CD99L2: variants seen among roughly 807,000 people sequenced by gnomAD.
CD99L2 encodes the protein CD99 molecule like 2, also known as CD99 antigen-like protein 2.
A neutral mutation model predicts 27.3 loss-of-function variants in CD99L2; 24 were observed. That is an observed-to-expected ratio of 0.88 (90% CI 0.64 to 1.24). CD99L2 has a LOEUF of 1.24. Ranked by LOEUF, CD99L2 falls within the 50% of genes most tolerant of loss-of-function variation. The pLI is 0.00. For synonymous variants in CD99L2, 97 were observed against 87.9 expected (o/e 1.10, Z -0.58); for missense variants, 255 against 221.6 (o/e 1.15, Z -0.96).
At chrX:150,795,615 C>G (rs1473177730) in intron 4 of CD99L2, 129 bp from the exon 5 acceptor site, 3 of 610,055 alleles carry the variant, frequency 4.9e-6, no homozygotes, top group Non-Finnish European at 7.9e-6. Flanking sequence ...AGGACCTCTG[C>G]AGAATCACTT....
intron 1 of CD99L2, among the ~76,000 whole-genome samples, chrX:150,850,538 C>T (rs1014079413): frequency 3.6e-5 from 4 of 112,576 alleles, no homozygotes; most frequent in African/African-American, 1.3e-4. Flanking sequence ...CAAAGTGATT[C>T]TCACAGAGAT....
At chrX:150,852,004 C>A (rs1557421616) in intron 1 of CD99L2, among the ~76,000 whole-genome samples, 1 of 111,745 alleles carries the variant, frequency 8.9e-6, no homozygotes, top group Admixed American at 9.5e-5. Context: ...AGTCTACTGA[C>A]CACAACAGCC....
intron 4 of CD99L2, among the ~76,000 whole-genome samples, chrX:150,798,148 G>A (rs1357462135): frequency 2.7e-5 from 1 of 36,751 alleles, no homozygotes; most frequent in African/African-American, 1.3e-4. Flanking sequence ...GGAAGGAAGG[G>A]AGGGAGGGAG....
At chrX:150,846,862 T>C (rs957635070) in intron 1 of CD99L2, among the ~76,000 whole-genome samples, 3 of 112,292 alleles carry the variant, frequency 2.7e-5, no homozygotes, top group African/African-American at 9.7e-5. Flanking sequence ...CAAATGCACA[T>C]GGTATTTCCT....
At chrX:150,865,453 T>A (rs1051707865) in intron 1 of CD99L2, among the ~76,000 whole-genome samples, 1 of 111,877 alleles carries the variant, frequency 8.9e-6, no homozygotes, top group Non-Finnish European at 1.9e-5. Flanking sequence ...CAGTGAGCTA[T>A]GACTGATTGA....
intron 2 of CD99L2, among the ~76,000 whole-genome samples, chrX:150,830,021 G>T (rs981650231): frequency 9.1e-6 from 1 of 109,731 alleles, no homozygotes; most frequent in Non-Finnish European, 1.9e-5. Flanking sequence ...TGGGCGTGGC[G>T]GTACGCACCT....
At chrX:150,879,793 T>C (rs1603314844) in intron 1 of CD99L2, among the ~76,000 whole-genome samples, 1 of 83,970 alleles carries the variant, frequency 1.2e-5, no homozygotes, top group South Asian at 7.1e-4. Context: ...GGCATGGTGG[T>C]ACACACCTGT....
intron 9 of CD99L2, among the ~76,000 whole-genome samples, chrX:150,772,978 AT>A (rs1303558034): frequency 8.9e-6 from 1 of 112,571 alleles, no homozygotes; most frequent in African/African-American, 3.2e-5. Flanking sequence ...TGCTGATCCA[AT>A]TCGCAAAACC....
At chrX:150,776,316 T>C in intron 8 of CD99L2, 23 bp from the exon 9 acceptor site, 1 of 1,178,468 alleles carries the variant, frequency 8.5e-7, no homozygotes, top group Non-Finnish European at 1.1e-6. Flanking sequence ...GGGGGAGAAA[T>C]GAGGACAGGT....
intron 1 of CD99L2, among the ~76,000 whole-genome samples, chrX:150,877,647 C>T (rs934936057): frequency 3.6e-5 from 4 of 109,631 alleles, no homozygotes; most frequent in African/African-American, 1.3e-4. Context: ...AACAAGAGCC[C>T]GTTTCTACAT....
At chrX:150,776,080 G>T in intron 9 of CD99L2, 94 bp downstream of exon 9, 1 of 1,079,960 alleles carries the variant, frequency 9.3e-7, no homozygotes, top group South Asian at 2.2e-5. Context: ...TGGGTCTCAG[G>T]CAGGCTGTGG....
At chrX:150,774,258 C>T (rs1222883180) in intron 9 of CD99L2, among the ~76,000 whole-genome samples, 1 of 112,088 alleles carries the variant, frequency 8.9e-6, no homozygotes, top group Admixed American at 9.4e-5. Flanking sequence ...TAAATCTGGG[C>T]TTTTATCTTT....
chrX:150,835,637 T>C lies in CD99L2; in HGVS notation c.68-4344A>G, dbSNP rs781944969. On this transcript the variant is annotated intron_variant, in intron 1 of 10. Transcript: ENST00000370377. ...ATGGCCCTTTAGACAGTGTCATGAA[T>C]GTAACTCCACAAAAGGGAAATCTGT... Among the ~76,000 whole-genome samples the C allele has an allele frequency of 2.7e-5, 3 of 112,159 alleles. No individual in the cohort carries two copies. In the South Asian group the frequency reaches 1.1e-3, roughly 42 times the overall value.
rs56795332 is a variant in CD99L2, at chrX:150,890,151, A to AAAATAAATAAATAAATAAAT, written c.67+8351_67+8370dup. Among the ~76,000 whole-genome samples the AAAATAAATAAATAAATAAAT allele has an allele frequency of 3.5e-3, 349 of 98,876 alleles. 1 individual carries two copies. Among genetic ancestry groups the AAAATAAATAAATAAATAAAT allele is most frequent in the African/African-American group, 0.013 (330 of 25,255 alleles). The allele number at this position is 98,876 out of a possible 115,157, so 85.9% of individuals were successfully genotyped here. On this transcript the variant is annotated intron_variant, in intron 1 of 10. Coordinates refer to ENST00000370377, the MANE Select transcript of CD99L2 (RefSeq NM_031462.4). ...CTGGGCGAGAGCGAGACTCCGTCTC[A>AAAATAAATAAATAAATAAAT]AAATAAATAAATAAATAAATAAATA...
chrX:150,858,241 CAGAG>C (rs1467485458), intron 1 of CD99L2, among the ~76,000 whole-genome samples: 1 of 112,394 alleles, frequency 8.9e-6, no homozygotes, highest in Non-Finnish European at 1.9e-5. Flanking sequence ...GAGGGACAGA[CAGAG>C]AGAGACTCAA....
chrX:150,883,558 A>G (rs2047364646), intron 1 of CD99L2, among the ~76,000 whole-genome samples: 1 of 111,606 alleles, frequency 9.0e-6, no homozygotes, highest in Non-Finnish European at 1.9e-5. Context: ...CGAAAATGGT[A>G]GAAACTTTAA....
chrX:150,771,957 G>T, intron 9 of CD99L2: 1 of 672,739 alleles, frequency 1.5e-6, no homozygotes, highest in Non-Finnish European at 2.2e-6. Context: ...CAGCAGCAGA[G>T]GCCGAGAGCA....
chrX:150,839,145 T>G (rs1557421303), intron 1 of CD99L2, among the ~76,000 whole-genome samples: 2 of 111,568 alleles, frequency 1.8e-5, no homozygotes, highest in Non-Finnish European at 3.8e-5. Flanking sequence ...AAGAGCAATA[T>G]TTTATGGAAA....
At position 150,776,405 on chromosome X, in the gene CD99L2, A is replaced by G. The variant is rs1405533535; in HGVS notation, c.536-112T>C. On this transcript the variant is annotated intron_variant, in intron 8 of 10. Coordinates refer to ENST00000370377, the MANE Select transcript of CD99L2 (RefSeq NM_031462.4). ...AGCACCAAACTACTAGACGCCCCCAACCCCCAAGCCAGCAGGAGAGGGCCA... is the reference window on the plus strand; with the variant it reads ...AGCACCAAACTACTAGACGCCCCCAGCCCCCAAGCCAGCAGGAGAGGGCCA... 5.6e-6 allele frequency: 5 copies of G among 893,995 alleles called. No homozygotes were observed. The Admixed American group carries it at 1.5e-4, about 26-fold the overall frequency. The allele number at this position is 893,995 out of a possible 1,213,427, so 73.7% of individuals were successfully genotyped here. A position where few individuals can be genotyped will look rare whatever the true frequency, so the allele number is the denominator to read the frequency against.
Sources: allele counts gnomAD v4.1 joint callset (sites outside exome capture counted in the v4.1 genomes callset), GRCh38; gene constraint gnomAD v4.1.1; transcripts MANE v1.5; gene names NCBI Gene and HGNC (gene_info 2026-07-23, HGNC 2026-07-21).